Variants in THRAP3 observed in about 807,000 individuals in gnomAD.
THRAP3 encodes thyroid hormone receptor-associated protein 3.
THRAP3 carries 16 observed loss-of-function variants against 101.0 expected under a neutral mutation model. The ratio of observed to expected loss-of-function variants is 0.16; its 90% CI spans 0.11 to 0.24. The LOEUF (loss-of-function observed/expected upper bound fraction) is 0.24. Ranked by LOEUF, THRAP3 falls within the 10% of genes least tolerant of loss-of-function variation. THRAP3 has a pLI of 1.00. For synonymous variants in THRAP3, 407 were observed against 422.6 expected (o/e 0.96, Z 0.45); for missense variants, 989 against 1,202.7 (o/e 0.82, Z 2.63).
rs140086017 is a variant in THRAP3 at position 36,257,869 on chromosome 1, C to T, written c.-134-1513C>T. Among the ~76,000 whole-genome samples, 913 of 152,290 alleles carry T rather than the reference C, an allele frequency of 6.0e-3. 4 individuals are homozygous for T. Among genetic ancestry groups the T allele is most frequent in the Middle Eastern group, 0.02 (6 of 294 alleles). On this transcript the variant is annotated intron_variant, in intron 1 of 11. Coordinates refer to ENST00000354618, the MANE Select transcript of THRAP3 (RefSeq NM_005119.4). Reference sequence around the variant, plus strand: ...TTTTTTTGTTGTTTTGAGACAGAGTCTCGCTCTGTCACCCACGCTGGAGTG... The same window carrying T: ...TTTTTTTGTTGTTTTGAGACAGAGTTTCGCTCTGTCACCCACGCTGGAGTG...
intron 1 of THRAP3, among the ~76,000 whole-genome samples, chr1:36,250,323 T>A (rs1346451041): frequency 2.6e-5 from 4 of 151,488 alleles, no homozygotes; most frequent in Non-Finnish European, 5.9e-5. Context: ...AAGCAATTCT[T>A]CTGCCTCAGC....
chr1:36,301,538 CATTT>C lies in THRAP3; in HGVS notation c.2503-11_2503-8del, dbSNP rs1646030364. 6.2e-7 allele frequency: 1 copy of C among 1,607,690 alleles called. No homozygotes were observed. The highest frequency in any genetic ancestry group is 1.1e-5 in the South Asian group (1 of 90,594). ...GCATGATCCTTTGTTCTTTTTCCCTCATTTATTGCAATAGCAGTTTCGAGCCAGA... is the reference window on the plus strand; with the variant it reads ...GCATGATCCTTTGTTCTTTTTCCCTCATTGCAATAGCAGTTTCGAGCCAGA... On this transcript the variant is annotated splice_polypyrimidine_tract_variant and intron_variant, in intron 10 of 11. Coordinates refer to ENST00000354618, the MANE Select transcript of THRAP3 (RefSeq NM_005119.4).
At chr1:36,258,245 T>G (rs1342402794) in intron 1 of THRAP3, among the ~76,000 whole-genome samples, 2 of 152,244 alleles carry the variant, frequency 1.3e-5, no homozygotes, top group Non-Finnish European at 2.9e-5. Flanking sequence ...CTGACTGATG[T>G]GAGCCCTCTG....
intron 1 of THRAP3, among the ~76,000 whole-genome samples, chr1:36,253,760 ATTTTTTTTTTTTTT>A (rs58306701): frequency 2.0e-5 from 2 of 100,236 alleles, no homozygotes; most frequent in Non-Finnish European, 1.9e-5. Context: ...AGTCAGGCTA[ATTTTTTTTTTTTTT>A]TTTTTAGTTT....
At chr1:36,256,723 G>T (rs1645380677) in intron 1 of THRAP3, among the ~76,000 whole-genome samples, 1 of 152,172 alleles carries the variant, frequency 6.6e-6, no homozygotes, top group South Asian at 2.1e-4. Flanking sequence ...TACTTTGATT[G>T]CAAGGCCCTG....
intron 1 of THRAP3, among the ~76,000 whole-genome samples, chr1:36,249,187 C>G (rs535218115): frequency 7.3e-6 from 1 of 137,862 alleles, no homozygotes; most frequent in Non-Finnish European, 1.5e-5. Context: ...CCAGCCAGCA[C>G]AGTCCCTTTT....
intron 7 of THRAP3, among the ~76,000 whole-genome samples, chr1:36,293,174 G>A (rs1016233722): frequency 3.0e-4 from 46 of 151,716 alleles, no homozygotes; most frequent in African/African-American, 9.9e-4. Context: ...GATTACAAAC[G>A]TGTGCCACCA....
At position 36,264,674 on chromosome 1, in the gene THRAP3, C is replaced by T. The variant is rs1328156881; in HGVS notation, c.-32+5190C>T. ...TTGCTTATTGTGTGTTGAGATTATGCGCAGATTTGCTAGTTATCTATCTCT... is the reference window on the plus strand; with the variant it reads ...TTGCTTATTGTGTGTTGAGATTATGTGCAGATTTGCTAGTTATCTATCTCT... On this transcript the variant is annotated intron_variant, in intron 2 of 11. Coordinates refer to ENST00000354618, the MANE Select transcript of THRAP3 (RefSeq NM_005119.4). 3.9e-5 allele frequency among the ~76,000 whole-genome samples: 6 copies of T among 152,224 alleles called. No individual in the cohort carries two copies. The East Asian group carries it at 1.2e-3, about 29-fold the overall frequency.
intron 1 of THRAP3, among the ~76,000 whole-genome samples, chr1:36,243,819 C>T (rs1161907032): frequency 5.8e-4 from 81 of 140,592 alleles, no homozygotes; most frequent in Middle Eastern, 4.3e-3. Context: ...GCTGGCCAGG[C>T]GGGGGGCTGA....
At chr1:36,289,954 G>A (rs1193083600) in intron 5 of THRAP3, among the ~76,000 whole-genome samples, 190 bp downstream of exon 5, 1 of 152,154 alleles carries the variant, frequency 6.6e-6, no homozygotes, top group African/African-American at 2.4e-5. Flanking sequence ...AAGGGGGGCA[G>A]TATCCCTGGG....
At chr1:36,216,050 A>G in the THRAP3 span, among the ~76,000 whole-genome samples, 1 of 152,020 alleles carries the variant, frequency 6.6e-6, no homozygotes, top group African/African-American at 2.4e-5. Flanking sequence ...CGCCCAGCCA[A>G]TAAAATTTTC....
At chr1:36,250,872 G>C (rs1029851577) in intron 1 of THRAP3, among the ~76,000 whole-genome samples, 1 of 152,064 alleles carries the variant, frequency 6.6e-6, no homozygotes, top group Non-Finnish European at 1.5e-5. Context: ...TCAGCCTACT[G>C]AGTGGCTGGG....
At chr1:36,238,917 C>T (rs1191491112) in intron 1 of THRAP3, among the ~76,000 whole-genome samples, 1 of 150,924 alleles carries the variant, frequency 6.6e-6, no homozygotes, top group East Asian at 2.0e-4. Context: ...TTCTTTCTTT[C>T]TTTCTTTATT....
At chr1:36,253,781 G>GTTTTTTTTTTTTTTTTTTTTTTTTTT (rs1353553825) in intron 1 of THRAP3, among the ~76,000 whole-genome samples, 76 of 35,120 alleles carry the variant, frequency 2.2e-3, no homozygotes, top group African/African-American at 3.6e-3. Flanking sequence ...TTTTTTTTTA[G>GTTTTTTTTTTTTTTTTTTTTTTTTTT]TTTTTGTAGA....
At chr1:36,246,754 A>G (rs1008005890) in intron 1 of THRAP3, among the ~76,000 whole-genome samples, 8 of 151,974 alleles carry the variant, frequency 5.3e-5, no homozygotes, top group Non-Finnish European at 1.2e-4. Flanking sequence ...AGGCAGGAGA[A>G]TGGCGTGAAC....
At chr1:36,244,803 C>T (rs1411008656) in intron 1 of THRAP3, among the ~76,000 whole-genome samples, 3 of 152,004 alleles carry the variant, frequency 2.0e-5, no homozygotes, top group South Asian at 4.2e-4. Flanking sequence ...CTGCAACCTC[C>T]GACTCCCTGG....
the THRAP3 span, among the ~76,000 whole-genome samples, chr1:36,217,369 CAAG>C: frequency 6.0e-4 from 91 of 152,102 alleles, no homozygotes; most frequent in South Asian, 4.4e-3. Flanking sequence ...CCAGGTCACT[CAAG>C]GAGAGAGGTC....
intron 4 of THRAP3, chr1:36,287,582 A>C (rs553734788): frequency 1.0e-6 from 1 of 985,464 alleles, no homozygotes; most frequent in South Asian, 4.7e-5. Context: ...TGGGTCAGCT[A>C]TCAAAAAAAA....
chr1:36,237,738 T>G (rs1343371713), intron 1 of THRAP3, among the ~76,000 whole-genome samples: 1 of 152,164 alleles, frequency 6.6e-6, no homozygotes, highest in Non-Finnish European at 1.5e-5. Flanking sequence ...GCCACTGCAC[T>G]TCAGCCTGGG....
Sources: allele counts gnomAD v4.1 joint callset (sites outside exome capture counted in the v4.1 genomes callset), GRCh38; gene constraint gnomAD v4.1.1; transcripts MANE v1.5; gene names NCBI Gene and HGNC (gene_info 2026-07-23, HGNC 2026-07-21).